The following FMNL2 variants were observed in gnomAD, a reference collection of about 807,000 sequenced individuals.
The protein encoded by FMNL2 is formin-like protein 2.
In FMNL2, 51 loss-of-function variants were observed where a neutral mutation model predicts 130.2. The ratio of observed to expected loss-of-function variants is 0.39; its 90% CI spans 0.31 to 0.49. The LOEUF (loss-of-function observed/expected upper bound fraction) is 0.49, where lower values mean the gene tolerates loss of function less well. Among genes scored for constraint, FMNL2 ranks in the 20% least tolerant of loss-of-function variants. The pLI, the probability that FMNL2 is intolerant of heterozygous loss-of-function variation, is 0.85. For missense variants in FMNL2, 977 were observed against 1,316.2 expected, an observed-to-expected ratio of 0.74 and a Z score of 3.99; for synonymous variants, 465 against 467.1, an observed-to-expected ratio of 1.00 and a Z score of 0.06.
chr2:152,524,100 G>A (rs1028232767), intron 2 of FMNL2, among the ~76,000 whole-genome samples: 1 of 152,120 alleles, frequency 6.6e-6, no homozygotes, highest in Non-Finnish European at 1.5e-5. Flanking sequence ...TCATTTTTAG[G>A]AATTACTTTA....
At chr2:152,449,498 C>T (rs2105058629) in intron 1 of FMNL2, among the ~76,000 whole-genome samples, 1 of 152,242 alleles carries the variant, frequency 6.6e-6, no homozygotes, top group Non-Finnish European at 1.5e-5. Flanking sequence ...CTCATCCTTG[C>T]AGGGAAGCAC....
rs967360860 is a variant in FMNL2, at chr2:152,581,057, A to G, written c.876+8A>G. Reference sequence around the variant, plus strand: ...TTTGATAACTTTAAAGAGGTAGGCTACACTATAGTTTTCATAAGAATACTC... The same window carrying G: ...TTTGATAACTTTAAAGAGGTAGGCTGCACTATAGTTTTCATAAGAATACTC... On this transcript the variant is annotated splice_region_variant and intron_variant, in intron 9 of 25. Coordinates refer to ENST00000288670, the MANE Select transcript of FMNL2 (RefSeq NM_052905.4). The G allele has an allele frequency of 4.3e-6, 7 of 1,610,996 alleles. No homozygotes were observed. The highest frequency in any genetic ancestry group is 1.6e-4 in the Middle Eastern group (1 of 6,076).
At chr2:152,570,156 A>G (rs1167465575) in intron 6 of FMNL2, among the ~76,000 whole-genome samples, 1 of 152,176 alleles carries the variant, frequency 6.6e-6, no homozygotes, top group Non-Finnish European at 1.5e-5. Flanking sequence ...TATGCATAAC[A>G]CTAATAAAAG....
chr2:152,537,436 ATGGT>A (rs1424611029), intron 2 of FMNL2, among the ~76,000 whole-genome samples: 2 of 152,186 alleles, frequency 1.3e-5, no homozygotes, highest in Non-Finnish European at 2.9e-5. Context: ...GAGGAAACGT[ATGGT>A]TATGAAAGGC....
chr2:152,529,322 T>C (rs915738201), intron 2 of FMNL2, among the ~76,000 whole-genome samples: 1 of 152,140 alleles, frequency 6.6e-6, no homozygotes, highest in African/African-American at 2.4e-5. Context: ...TCCAGCAATG[T>C]ACCAGACAAG....
chr2:152,647,728 C>T (rs890258030), intron 25 of FMNL2, 68 bp from the exon 26 acceptor site: 27 of 1,478,910 alleles, frequency 1.8e-5, no homozygotes, highest in Non-Finnish European at 2.5e-5. Context: ...TGCCAGCTGG[C>T]CTTTGTCCTG....
intron 1 of FMNL2, among the ~76,000 whole-genome samples, chr2:152,396,851 G>GA (rs1354017778): frequency 1.3e-5 from 2 of 152,062 alleles, no homozygotes; most frequent in African/African-American, 2.4e-5. Context: ...CCATCATTAA[G>GA]AAAAAAACTT....
intron 1 of FMNL2, among the ~76,000 whole-genome samples, chr2:152,442,671 A>G (rs1318273735): frequency 2.6e-5 from 4 of 152,170 alleles, no homozygotes; most frequent in Non-Finnish European, 5.9e-5. Flanking sequence ...CCTTCATTTT[A>G]GGATGGTTGT....
intron 1 of FMNL2, among the ~76,000 whole-genome samples, chr2:152,363,764 G>A (rs557524600): frequency 6.6e-6 from 1 of 152,222 alleles, no homozygotes; most frequent in Non-Finnish European, 1.5e-5. Flanking sequence ...GTTTCACCAT[G>A]TTGGCCAGCC....
In FMNL2 at chr2:152,517,909, T is replaced by A. The variant is rs147864374; in HGVS notation, c.118-4034T>A. 1.4e-3 allele frequency among the ~76,000 whole-genome samples: 210 copies of A among 152,320 alleles called. 1 individual carries two copies. Among genetic ancestry groups the A allele is most frequent in the Admixed American group, 3.3e-3 (50 of 15,300 alleles). On this transcript the variant is annotated intron_variant, in intron 1 of 25. Coordinates refer to ENST00000288670, the MANE Select transcript of FMNL2 (RefSeq NM_052905.4). ...AAAAGAATGAAAGGAGAGCCCTATG[T>A]CACAGATGTCACTAAGAGTGGGTGA...
intron 1 of FMNL2, among the ~76,000 whole-genome samples, chr2:152,365,142 T>G (rs1425333038): frequency 1.3e-5 from 2 of 152,194 alleles, no homozygotes; most frequent in Non-Finnish European, 2.9e-5. Flanking sequence ...ATGTATTAAA[T>G]GGGAGCCTAG....
chr2:152,621,797 C>G (rs532094588), intron 15 of FMNL2, among the ~76,000 whole-genome samples: 40 of 152,188 alleles, frequency 2.6e-4, no homozygotes, highest in Non-Finnish European at 5.3e-4. Context: ...CTCTCTCACT[C>G]TGGAACCAAG....
intron 9 of FMNL2, among the ~76,000 whole-genome samples, chr2:152,593,840 A>G (rs1303702975): frequency 1.8e-5 from 1 of 55,608 alleles, no homozygotes; most frequent in African/African-American, 5.7e-5. Context: ...GTGACTAGGG[A>G]GAGAGAGAGA....
intron 9 of FMNL2, among the ~76,000 whole-genome samples, chr2:152,591,159 C>T (rs761409062): frequency 2.0e-5 from 3 of 151,614 alleles, no homozygotes; most frequent in Non-Finnish European, 4.4e-5. Flanking sequence ...CAGGCGAGTG[C>T]CACCACGCCT....
intron 1 of FMNL2, among the ~76,000 whole-genome samples, chr2:152,362,575 C>G (rs1412799957): frequency 6.6e-6 from 1 of 151,762 alleles, no homozygotes; most frequent in Non-Finnish European, 1.5e-5. Context: ...GCCCCAGTCC[C>G]CCACCCCTTG....
At chr2:152,460,127 C>G (rs965967052) in intron 1 of FMNL2, among the ~76,000 whole-genome samples, 1 of 152,018 alleles carries the variant, frequency 6.6e-6, no homozygotes, top group Admixed American at 6.5e-5. Context: ...AATTTATGTC[C>G]TTTTCGCAGT....
intron 1 of FMNL2, among the ~76,000 whole-genome samples, chr2:152,362,728 A>G (rs755004942): frequency 1.3e-5 from 2 of 152,114 alleles, no homozygotes; most frequent in Non-Finnish European, 2.9e-5. Context: ...AGACCCTTTT[A>G]TGGACAAAAT....
chr2:152,484,667 T>C (rs1690718410), intron 1 of FMNL2, among the ~76,000 whole-genome samples: 1 of 152,096 alleles, frequency 6.6e-6, no homozygotes, highest in Admixed American at 6.5e-5. Context: ...GAGGCTGAGA[T>C]GGGAGGATCA....
chr2:152,463,882 G>A (rs1470021789), intron 1 of FMNL2, among the ~76,000 whole-genome samples: 1 of 152,036 alleles, frequency 6.6e-6, no homozygotes, highest in Non-Finnish European at 1.5e-5. Context: ...TTCAAACCTA[G>A]AACAGGTATC....
Sources: allele counts gnomAD v4.1 joint callset (sites outside exome capture counted in the v4.1 genomes callset), GRCh38; gene constraint gnomAD v4.1.1; transcripts MANE v1.5; gene names NCBI Gene and HGNC (gene_info 2026-07-23, HGNC 2026-07-21).